MDC1: variants seen among roughly 807,000 people sequenced by gnomAD.
The protein encoded by MDC1 is mediator of DNA damage checkpoint protein 1.
Under a neutral mutation model 142.5 loss-of-function variants are expected in MDC1, and 81 were observed. That is an observed-to-expected ratio of 0.57 (90% CI 0.47 to 0.68). MDC1 has a LOEUF of 0.68. MDC1 is among the 30% of genes least tolerant of loss of function. The pLI is 0.00. For missense variants in MDC1, 2,119 were observed against 2,547.9 expected (o/e 0.83, Z 3.62); for synonymous variants, 797 against 968.4 (o/e 0.82, Z 3.29).
chr6:30,713,033 C>T lies in MDC1; in HGVS notation c.909G>A (p.Val303=). 3 of 1,612,786 alleles carry T rather than the reference C, an allele frequency of 1.9e-6. No individual in the cohort carries two copies. Among genetic ancestry groups the T allele is most frequent in the Non-Finnish European group, 2.5e-6 (3 of 1,179,818 alleles). The change falls in exon 5 of 15, where the codon GTG becomes GTA. Residue 303 remains valine (V), a synonymous_variant. Coordinates refer to ENST00000376406, the MANE Select transcript of MDC1 (RefSeq NM_014641.3). The surrounding 1 kb of genome is among the most constrained non-coding windows in gnomAD (Gnocchi z 4.9). The stretch of plus-strand genomic sequence containing the variant: ...TTCCAGGAGGCCTGCTGTCATCATC[C>T]ACATCTGTGTCACTGTCCTCTCCAG... The part of the protein sequence containing the change: ...QPPGEDSDTD[V]DDDSRPPGRP...
intron 9 of MDC1, among the ~76,000 whole-genome samples, chr6:30,707,125 GA>G (rs948920686): frequency 1.3e-5 from 2 of 152,176 alleles, no homozygotes; most frequent in African/African-American, 4.8e-5. Flanking sequence ...TGATGGTAAG[GA>G]AAAGGATGGC....
chr6:30,706,539 G>A (rs943775796), intron 9 of MDC1, among the ~76,000 whole-genome samples: 5 of 149,876 alleles, frequency 3.3e-5, no homozygotes, highest in East Asian at 2.0e-4. Context: ...GGAGAATGGC[G>A]TGAACTCGGG....
chr6:30,700,488 G>C lies in MDC1; in HGVS notation c.6247C>G (p.Pro2083Ala), dbSNP rs554713702. The C allele has an allele frequency of 3.1e-6, 5 of 1,612,854 alleles. No homozygotes were observed. The highest frequency in any genetic ancestry group is 4.2e-6 in the Non-Finnish European group (5 of 1,179,946). The change falls in exon 15 of 15, where the codon CCT becomes GCT. Residue 2083 changes from proline to alanine, a missense_variant. Transcript: ENST00000376406. The stretch of plus-strand genomic sequence containing the variant: ...TCTCAGGTGGATGACATCTCCAAAG[G>C]GGAGAGGACAAAGGCCTCTGGCTTG... The part of the protein sequence containing the change: ...EAKPEAFVLS[P>A]LEMSST
rs1338281774 is a variant in MDC1 at position 30,702,662 on chromosome 6, C to T, written c.5993G>A (p.Gly1998Asp). The T allele has an allele frequency of 4.3e-6, 7 of 1,610,454 alleles. No individual in the cohort carries two copies. The highest frequency in any genetic ancestry group is 5.9e-6 in the Non-Finnish European group (7 of 1,178,848). Residue 1998 changes from glycine (G) to aspartate (D), a missense_variant and splice_region_variant, in exon 14 of 15, where the codon GGC (glycine) becomes GAC (aspartate). By Grantham distance (94) the Gly-to-Asp change is moderately conservative. Coordinates refer to ENST00000376406, the MANE Select transcript of MDC1 (RefSeq NM_014641.3). ...SRARERRLLE[G>D]YEIYVTPGVQ... ...TCCAGGGGTCACATAGATCTCATAGCCCTAAGAGAAAGAAATGATGGAGAT... is the reference window on the plus strand; with the variant it reads ...TCCAGGGGTCACATAGATCTCATAGTCCTAAGAGAAAGAAATGATGGAGAT...
At position 30,702,256 on chromosome 6, in the gene MDC1, CAAAAAAAAAA is replaced by C. The variant is rs57764077; in HGVS notation, c.6102+287_6102+296del. Among the ~76,000 whole-genome samples, 12 of 59,148 alleles carry C rather than the reference CAAAAAAAAAA, an allele frequency of 2.0e-4. No individual in the cohort carries two copies. The East Asian group carries it at 4.7e-3, about 23-fold the overall frequency. The allele number at this position is 59,148 out of a possible 152,430, so 38.8% of individuals were successfully genotyped here. A position where few individuals can be genotyped will look rare whatever the true frequency, so the allele number is the denominator to read the frequency against. On this transcript the variant is annotated intron_variant, in intron 14 of 14. Transcript: ENST00000376406. ...CCAGCCTGAGAGTGAGACTCCATCTCAAAAAAAAAAAAAAAAAAAAAAAAAGAAAATCAAA... is the reference window on the plus strand; with the variant it reads ...CCAGCCTGAGAGTGAGACTCCATCTCAAAAAAAAAAAAAAAGAAAATCAAA...
In MDC1 at chr6:30,711,950, CT is replaced by C; in HGVS notation, c.1991del (p.Glu664GlyfsTer61). 1 of 1,565,138 alleles carries C rather than the reference CT, an allele frequency of 6.4e-7. No individual in the cohort carries two copies. The highest frequency in any genetic ancestry group is 8.6e-7 in the Non-Finnish European group (1 of 1,158,050). On this transcript the variant is annotated frameshift_variant, in exon 5 of 15. Coordinates refer to ENST00000376406, the MANE Select transcript of MDC1 (RefSeq NM_014641.3). LOFTEE classifies it high-confidence loss of function. ...TLGESTQPQR[E>X]GAQVPTGRER... ...CCCTTCCTGTGGGGACCTGGGCTCC[CT>C]CTCTCTGTGGCTGGGTGGATTCCCC...
At position 30,702,554 on chromosome 6, in the gene MDC1, T is replaced by A. The variant is rs1581527353; in HGVS notation, c.6101A>T (p.Lys2034Met). Residue 2034 changes from lysine to methionine, a missense_variant and splice_region_variant, in exon 14 of 15, where the codon AAG becomes ATG. Coordinates refer to ENST00000376406, the MANE Select transcript of MDC1 (RefSeq NM_014641.3). ...AGACCCAGAACATCCTAAGCATACC[T>A]TATAGGACCGAGGCATGCTGGGTAG... ...TYLPSMPRSY[K>M]PQRVVITCPQ... 6.3e-7 allele frequency: 1 copy of A among 1,577,632 alleles called. No individual in the cohort carries two copies. Among genetic ancestry groups the A allele is most frequent in the South Asian group, 1.2e-5 (1 of 83,992 alleles).
Position 30,700,398 on chromosome 6 carries a change from G to C in MDC1, c.*67C>G, listed in dbSNP as rs915265922. On this transcript the variant is annotated 3_prime_UTR_variant, in exon 15 of 15. Transcript: ENST00000376406. The stretch of plus-strand genomic sequence containing the variant: ...TCAATATACCCCAATCCTTTCTAAC[G>C]CCCTGAGTTCTTTCTTCCACATATC... 1 of 1,526,612 alleles carries C rather than the reference G, an allele frequency of 6.6e-7. No individual in the cohort carries two copies. The highest frequency in any genetic ancestry group is 1.2e-5 in the South Asian group (1 of 83,102). The allele number at this position is 1,526,612 out of a possible 1,614,324, so 94.6% of individuals were successfully genotyped here.
Position 30,713,415 on chromosome 6 carries a change from C to G in MDC1, c.588-61G>C. 6.8e-7 allele frequency: 1 copy of G among 1,480,596 alleles called. No homozygotes were observed. Among genetic ancestry groups the G allele is most frequent in the African/African-American group, 1.4e-5 (1 of 71,242 alleles). 91.7% of individuals were successfully genotyped at this position (1,480,596 alleles called of 1,614,324 possible). A position where few individuals can be genotyped will look rare whatever the true frequency, so the allele number is the denominator to read the frequency against. ...TTTCCCTGGAAGGGATACCCCAACT[C>G]AACTGTGAGCTCCTTGAGGGGAGAC... On this transcript the variant is annotated intron_variant, in intron 4 of 14. Transcript: ENST00000376406. This position sits in a 1 kb window ranked among gnomAD's most constrained non-coding sequence, Gnocchi z 4.9.
In MDC1 at chr6:30,705,539, G is replaced by A. The variant is rs1773644652; in HGVS notation, c.3644C>T (p.Thr1215Ile). The A allele has an allele frequency of 3.7e-6, 6 of 1,607,268 alleles. No individual in the cohort carries two copies. The highest frequency in any genetic ancestry group is 5.1e-6 in the Non-Finnish European group (6 of 1,176,886). Residue 1215 changes from threonine (T) to isoleucine (I), a missense_variant, in exon 10 of 15, where the codon ACC becomes ATC. Physicochemically the swap from Thr to Ile is moderately conservative, Grantham distance 89 (BLOSUM62 -1). Coordinates refer to ENST00000376406, the MANE Select transcript of MDC1 (RefSeq NM_014641.3). ...GGGTTCAGAGGTGACAGGTCGGTCG[G>A]TGGAGGTGGAAGGCTGGAGCTCAAG... ...TALELQPSTSTDRPVTSEPTS... is the reference protein window; with the variant it reads ...TALELQPSTSIDRPVTSEPTS...
rs772732783 is a variant in MDC1 at position 30,707,794 on chromosome 6, C to A, written c.2785G>T (p.Asp929Tyr). 1.2e-6 allele frequency: 2 copies of A among 1,613,064 alleles called. No individual in the cohort carries two copies. The highest frequency in any genetic ancestry group is 1.7e-6 in the Non-Finnish European group (2 of 1,180,032). Reference protein sequence around the residue: ...VERPVANRECDPAELEEKVPK... With the variant: ...VERPVANRECYPAELEEKVPK... ...ACCTTCTCTTCTAACTCGGCTGGAT[C>A]GCACTCTCTGTTTGCTACTGGTCTC... Residue 929 changes from aspartate to tyrosine, a missense_variant, in exon 8 of 15, where the codon GAT becomes TAT. Transcript: ENST00000376406.
chr6:30,707,786 G>T lies in MDC1; in HGVS notation c.2793C>A (p.Ala931=). 6.2e-7 allele frequency: 1 copy of T among 1,612,960 alleles called. No individual in the cohort carries two copies. Among genetic ancestry groups the T allele is most frequent in the Non-Finnish European group, 8.5e-7 (1 of 1,180,002 alleles). ...CTTTGGGCACCTTCTCTTCTAACTC[G>T]GCTGGATCGCACTCTCTGTTTGCTA... The part of the protein sequence containing the change: ...RPVANRECDP[A]ELEEKVPKVI... Residue 931 remains alanine (A), a synonymous_variant, in exon 8 of 15, where the codon GCC becomes GCA. Coordinates refer to ENST00000376406, the MANE Select transcript of MDC1 (RefSeq NM_014641.3).
intron 7 of MDC1, among the ~76,000 whole-genome samples, chr6:30,710,987 A>G (rs993548881): frequency 6.6e-6 from 1 of 152,156 alleles, no homozygotes; most frequent in Non-Finnish European, 1.5e-5. Flanking sequence ...AATATTTTCA[A>G]CCTGCAGCTG....
chr6:30,712,274 A>C lies in MDC1; in HGVS notation c.1668T>G (p.Val556=). ...EGTNQTDVKA[V]GGPAKLLVVS... The stretch of plus-strand genomic sequence containing the variant: ...CCACAAGCAGCTTTGCTGGTCCCCC[A>C]ACTGCTTTCACATCTGTTTGATTTG... The change falls in exon 5 of 15, where the codon GTT becomes GTG. Residue 556 remains valine (V), a synonymous_variant. Transcript: ENST00000376406. This position sits in a 1 kb window ranked among gnomAD's most constrained non-coding sequence, Gnocchi z 4.7. 6.2e-7 allele frequency: 1 copy of C among 1,613,046 alleles called. No individual in the cohort carries two copies. The highest frequency in any genetic ancestry group is 1.1e-5 in the South Asian group (1 of 91,088).
At chr6:30,711,323 A>G in intron 7 of MDC1, 89 bp downstream of exon 7, 1 of 1,183,736 alleles carries the variant, frequency 8.4e-7, no homozygotes, top group Non-Finnish European at 1.2e-6. Flanking sequence ...GTGAGCCGAG[A>G]CTGCACCACT....
At chr6:30,714,417 T>C (rs1775370466) in intron 2 of MDC1, among the ~76,000 whole-genome samples, 1 of 152,224 alleles carries the variant, frequency 6.6e-6, no homozygotes, top group Non-Finnish European at 1.5e-5. Flanking sequence ...ACCTTAATAA[T>C]TTTAAGTGTA....
At position 30,700,610 on chromosome 6, in the gene MDC1, C is replaced by A. The variant is rs779653282; in HGVS notation, c.6125G>T (p.Cys2042Phe). 1 of 1,612,892 alleles carries A rather than the reference C, an allele frequency of 6.2e-7. No homozygotes were observed. The highest frequency in any genetic ancestry group is 8.5e-7 in the Non-Finnish European group (1 of 1,179,926). The change falls in exon 15 of 15, where the codon TGC becomes TTC. Residue 2042 changes from cysteine to phenylalanine, a missense_variant. Physicochemically the swap from Cys to Phe is radical, Grantham distance 205. Transcript: ENST00000376406. ...GGAGCAATGAGGGAAGTCCTGAGGGCATGTGATCACAACTCTCTGAGGCTG... is the reference window on the plus strand; with the variant it reads ...GGAGCAATGAGGGAAGTCCTGAGGGAATGTGATCACAACTCTCTGAGGCTG... Reference protein sequence around the residue: ...SYKPQRVVITCPQDFPHCSIP... With the variant: ...SYKPQRVVITFPQDFPHCSIP...
chr6:30,713,432 A>T lies in MDC1; in HGVS notation c.588-78T>A. 1 of 1,431,338 alleles carries T rather than the reference A, an allele frequency of 7.0e-7. No homozygotes were observed. Among genetic ancestry groups the T allele is most frequent in the Non-Finnish European group, 9.3e-7 (1 of 1,070,154 alleles). The allele number at this position is 1,431,338 out of a possible 1,614,324, so 88.7% of individuals were successfully genotyped here. A position where few individuals can be genotyped will look rare whatever the true frequency, so the allele number is the denominator to read the frequency against. On this transcript the variant is annotated intron_variant, in intron 4 of 14. Coordinates refer to ENST00000376406, the MANE Select transcript of MDC1 (RefSeq NM_014641.3). The surrounding 1 kb of genome is among the most constrained non-coding windows in gnomAD (Gnocchi z 4.9). Reference sequence around the variant, plus strand: ...CCCCAACTCAACTGTGAGCTCCTTGAGGGGAGACACAAGGTAGCATATTTC... The same window carrying T: ...CCCCAACTCAACTGTGAGCTCCTTGTGGGGAGACACAAGGTAGCATATTTC...
At chr6:30,714,560 A>G (rs1775398106) in intron 2 of MDC1, among the ~76,000 whole-genome samples, 1 of 150,874 alleles carries the variant, frequency 6.6e-6, no homozygotes, top group South Asian at 2.1e-4. Context: ...CACCCAGGCT[A>G]GAATGCAGTG....
Sources: allele counts gnomAD v4.1 joint callset (sites outside exome capture counted in the v4.1 genomes callset), GRCh38; gene constraint gnomAD v4.1.1; non-coding constraint Gnocchi (gnomAD v3.1); transcripts MANE v1.5; gene names NCBI Gene and HGNC (gene_info 2026-07-23, HGNC 2026-07-21).